DAB1: variants seen among roughly 807,000 people sequenced by gnomAD.
DAB1 encodes the protein DAB adaptor protein 1, also known as disabled homolog 1.
Under a neutral mutation model 64.6 loss-of-function variants are expected in DAB1, and 15 were observed. The ratio of observed to expected loss-of-function variants is 0.23; its 90% CI spans 0.16 to 0.36. The LOEUF is 0.36. Among genes scored for constraint, DAB1 ranks in the 10% least tolerant of loss-of-function variants. DAB1 has a pLI of 1.00. For missense variants in DAB1, 596 were observed against 706.7 expected (o/e 0.84, Z 1.78); for synonymous variants, 235 against 251.9 (o/e 0.93, Z 0.64).
chr1:57,126,606 C>T (rs956454135), intron 4 of DAB1, among the ~76,000 whole-genome samples: 3 of 152,168 alleles, frequency 2.0e-5, no homozygotes, highest in African/African-American at 2.4e-5. Context: ...TGAAATGACA[C>T]GTATGTCAAG....
intron 7 of DAB1, among the ~76,000 whole-genome samples, chr1:57,538,594 A>G (rs939060342): frequency 6.6e-5 from 10 of 152,214 alleles, no homozygotes; most frequent in African/African-American, 2.2e-4. Flanking sequence ...AGCTGCATTT[A>G]TCTTCAGCTA....
At chr1:58,112,207 T>G (rs1474980835) in intron 5 of DAB1, among the ~76,000 whole-genome samples, 1 of 152,154 alleles carries the variant, frequency 6.6e-6, no homozygotes, top group Non-Finnish European at 1.5e-5. Context: ...CCACTCACCC[T>G]TTTACTCATT....
At chr1:58,006,095 C>T (rs1646578729) in intron 5 of DAB1, among the ~76,000 whole-genome samples, 1 of 152,146 alleles carries the variant, frequency 6.6e-6, no homozygotes, top group African/African-American at 2.4e-5. Flanking sequence ...CTCTGGGAGT[C>T]CCACGAAGGC....
chr1:57,204,378 C>A (rs962626435), intron 2 of DAB1, among the ~76,000 whole-genome samples: 2 of 151,268 alleles, frequency 1.3e-5, no homozygotes, highest in African/African-American at 4.9e-5. Flanking sequence ...TCTCTCACAC[C>A]TACGCAGACC....
intron 7 of DAB1, among the ~76,000 whole-genome samples, chr1:57,505,716 G>A (rs1278914127): frequency 6.6e-6 from 1 of 152,062 alleles, no homozygotes; most frequent in African/African-American, 2.4e-5. Context: ...TGTCCTCCAG[G>A]CTGGAGTGCA....
intron 3 of DAB1, among the ~76,000 whole-genome samples, chr1:58,353,763 T>A (rs1372128833): frequency 6.6e-6 from 1 of 152,178 alleles, no homozygotes; most frequent in Non-Finnish European, 1.5e-5. Context: ...GTGTTTTATC[T>A]ACTATGTGCA....
At chr1:58,516,736 A>G (rs2100440581) in intron 2 of DAB1, among the ~76,000 whole-genome samples, 1 of 152,338 alleles carries the variant, frequency 6.6e-6, no homozygotes, top group South Asian at 2.1e-4. Flanking sequence ...GGGACTGCAT[A>G]TGACCAATAG....
intron 3 of DAB1, among the ~76,000 whole-genome samples, chr1:58,348,172 A>C (rs1339918929): frequency 6.6e-6 from 1 of 151,882 alleles, no homozygotes; most frequent in Non-Finnish European, 1.5e-5. Context: ...TTTTCTCCAA[A>C]CCCCTGGCAA....
chr1:57,435,117 C>T (rs1251913886), intron 7 of DAB1, among the ~76,000 whole-genome samples: 1 of 141,900 alleles, frequency 7.0e-6, no homozygotes, highest in African/African-American at 2.7e-5. Flanking sequence ...GGCATGATCT[C>T]GGCTCACTGC....
At chr1:57,505,532 T>C (rs1364287651) in intron 7 of DAB1, among the ~76,000 whole-genome samples, 7 of 152,176 alleles carry the variant, frequency 4.6e-5, no homozygotes, top group Admixed American at 4.6e-4. Flanking sequence ...TTATGGAAGA[T>C]GGGATGGGGA....
chr1:57,044,464 C>A (rs1043924939), intron 9 of DAB1, among the ~76,000 whole-genome samples: 1 of 152,194 alleles, frequency 6.6e-6, no homozygotes, highest in South Asian at 2.1e-4. Context: ...ACACTTCATG[C>A]AAATACTACA....
intron 5 of DAB1, among the ~76,000 whole-genome samples, chr1:58,106,651 G>A (rs372969436): frequency 2.6e-5 from 4 of 152,254 alleles, no homozygotes; most frequent in South Asian, 2.1e-4. Flanking sequence ...CTTGGATCCC[G>A]TGCTCCTTCT....
intron 6 of DAB1, among the ~76,000 whole-genome samples, chr1:57,654,633 T>A (rs1385398684): frequency 6.6e-6 from 1 of 152,246 alleles, no homozygotes; most frequent in Non-Finnish European, 1.5e-5. Context: ...TTTAATGTAA[T>A]GAAATATATT....
chr1:58,150,811 T>C (rs990327689), intron 4 of DAB1, among the ~76,000 whole-genome samples: 2 of 152,024 alleles, frequency 1.3e-5, no homozygotes, highest in African/African-American at 4.8e-5. Flanking sequence ...TTACATTAGG[T>C]ATATCTCCTA....
intron 7 of DAB1, among the ~76,000 whole-genome samples, chr1:57,436,506 C>G: frequency 6.6e-6 from 1 of 152,284 alleles, no homozygotes; most frequent in Middle Eastern, 3.4e-3. Flanking sequence ...ATTCTATGAT[C>G]GCTCACCCCA....
chr1:58,222,846 T>C (rs138652450), intron 4 of DAB1, among the ~76,000 whole-genome samples: 16 of 152,328 alleles, frequency 1.1e-4, no homozygotes, highest in African/African-American at 3.6e-4. Flanking sequence ...TAGTACAGTG[T>C]ATTTCCCAAA....
chr1:57,260,686 A>C (rs1670116916), intron 2 of DAB1, among the ~76,000 whole-genome samples: 1 of 152,118 alleles, frequency 6.6e-6, no homozygotes, highest in Admixed American at 6.5e-5. Flanking sequence ...GGCACAGAGA[A>C]GTCAGGGGAC....
At chr1:57,460,239 A>G (rs975731811) in intron 7 of DAB1, among the ~76,000 whole-genome samples, 2 of 152,216 alleles carry the variant, frequency 1.3e-5, no homozygotes, top group African/African-American at 4.8e-5. Context: ...TTCAGCCCTC[A>G]TTCGTCCCCA....
At chr1:57,220,743 C>G (rs903350660) in intron 2 of DAB1, among the ~76,000 whole-genome samples, 6 of 152,140 alleles carry the variant, frequency 3.9e-5, no homozygotes, top group Non-Finnish European at 4.4e-5. Flanking sequence ...ATTAAAAAGT[C>G]AGGAAACAAC....
Sources: gnomAD v4.1 joint callset for allele counts (sites outside exome capture counted in the v4.1 genomes callset) on GRCh38, gnomAD v4.1.1 for gene constraint, MANE v1.5 for transcripts, NCBI Gene and HGNC (gene_info 2026-07-23, HGNC 2026-07-21) for gene names.